NCKAP5: variants seen among roughly 807,000 people sequenced by gnomAD.
NCKAP5 encodes nck-associated protein 5.
A neutral mutation model predicts 167.0 loss-of-function variants in NCKAP5; 92 were observed. That is an observed-to-expected ratio of 0.55 (90% CI 0.47 to 0.66). NCKAP5 has a LOEUF of 0.66. Ranked by LOEUF, NCKAP5 falls within the 30% of genes least tolerant of loss-of-function variation. The pLI is 0.00. For missense variants in NCKAP5, 2,378 were observed against 2,315.0 expected, an observed-to-expected ratio of 1.03 and a Z score of -0.56; for synonymous variants, 891 against 877.4, an observed-to-expected ratio of 1.02 and a Z score of -0.27.
intron 5 of NCKAP5, among the ~76,000 whole-genome samples, chr2:133,176,781 C>T (rs2084479538): frequency 6.6e-6 from 1 of 152,256 alleles, no homozygotes; most frequent in Middle Eastern, 3.4e-3. Flanking sequence ...TTTAAAAAAT[C>T]TATAAACAAT....
chr2:133,099,158 G>A (rs2081428297), intron 6 of NCKAP5, among the ~76,000 whole-genome samples: 1 of 152,078 alleles, frequency 6.6e-6, no homozygotes, highest in South Asian at 2.1e-4. Context: ...AGTCCCAAGA[G>A]TAATTTTGCA....
chr2:133,177,183 T>TACAC (rs1553563642), intron 5 of NCKAP5, among the ~76,000 whole-genome samples: 2 of 142,640 alleles, frequency 1.4e-5, no homozygotes, highest in African/African-American at 5.2e-5. Flanking sequence ...TATATATATA[T>TACAC]ATATACTCAA....
At chr2:133,027,800 G>T (rs2078748233) in intron 6 of NCKAP5, among the ~76,000 whole-genome samples, 1 of 152,014 alleles carries the variant, frequency 6.6e-6, no homozygotes, top group Non-Finnish European at 1.5e-5. Context: ...TGGCTCAATT[G>T]CTCAGGTATT....
At chr2:133,094,319 G>A (rs561339016) in intron 6 of NCKAP5, among the ~76,000 whole-genome samples, 8 of 152,236 alleles carry the variant, frequency 5.3e-5, no homozygotes, top group South Asian at 4.2e-4. Context: ...TCAGGGAGCC[G>A]GAGGGTTTGA....
chr2:132,683,947 T>C (rs963804874), intron 19 of NCKAP5, among the ~76,000 whole-genome samples: 1 of 152,196 alleles, frequency 6.6e-6, no homozygotes, highest in African/African-American at 2.4e-5. Flanking sequence ...GATTAAATTA[T>C]AGCTGTCGTA....
upstream of NCKAP5, chr2:133,568,567 G>A (rs1419161910): frequency 1.3e-5 from 2 of 152,060 alleles, no homozygotes; most frequent in African/African-American, 4.8e-5. Context: ...AAAGGAGGGG[G>A]TGGGGAGGAA....
intron 11 of NCKAP5, among the ~76,000 whole-genome samples, chr2:132,827,245 C>A (rs1687193488): frequency 6.6e-6 from 1 of 151,958 alleles, no homozygotes; most frequent in Admixed American, 6.6e-5. Context: ...TTATTTTTTT[C>A]TTGTGACAAA....
At chr2:132,892,758 A>G (rs1400600953) in intron 8 of NCKAP5, among the ~76,000 whole-genome samples, 2 of 152,222 alleles carry the variant, frequency 1.3e-5, no homozygotes, top group Non-Finnish European at 2.9e-5. Context: ...ATAAGAGACT[A>G]TCAATATAAA....
intron 3 of NCKAP5, among the ~76,000 whole-genome samples, chr2:133,384,497 C>A (rs1444156547): frequency 6.6e-6 from 1 of 152,170 alleles, no homozygotes; most frequent in Admixed American, 6.5e-5. Flanking sequence ...CGTGATGCCT[C>A]CAGCTTTGTT....
intron 5 of NCKAP5, among the ~76,000 whole-genome samples, chr2:133,192,989 A>T (rs535908999): frequency 1.8e-4 from 28 of 152,232 alleles, no homozygotes; most frequent in African/African-American, 6.5e-4. Context: ...CAAACTGAAA[A>T]CAACCCAAAT....
chr2:133,203,635 A>ATC (rs1326636672), intron 5 of NCKAP5, among the ~76,000 whole-genome samples: 1 of 152,194 alleles, frequency 6.6e-6, no homozygotes, highest in Non-Finnish European at 1.5e-5. Flanking sequence ...GAAGAATGCT[A>ATC]TCTCTGCCTC....
At chr2:132,898,864 G>C (rs376304056) in intron 8 of NCKAP5, among the ~76,000 whole-genome samples, 1 of 152,218 alleles carries the variant, frequency 6.6e-6, no homozygotes. Context: ...AGGACAGGCA[G>C]AGTATGTTTA....
At chr2:133,615,761 G>T in the NCKAP5 span, among the ~76,000 whole-genome samples, 10 of 152,086 alleles carry the variant, frequency 6.6e-5, 1 homozygote, top group African/African-American at 2.4e-4. Context: ...AAGTCAACAA[G>T]GATACCCAGG....
intron 11 of NCKAP5, among the ~76,000 whole-genome samples, chr2:132,823,657 A>G (rs1686923143): frequency 6.6e-6 from 1 of 152,190 alleles, no homozygotes; most frequent in South Asian, 2.1e-4. Flanking sequence ...AAAAAACCCA[A>G]GGTATTAAGG....
rs141106557 is a variant in NCKAP5 at position 133,176,754 on chromosome 2, T to A, written c.207+36962A>T. On this transcript the variant is annotated intron_variant, in intron 5 of 19. Transcript: ENST00000409261. ...TCTATATGACAGTCATGAGTGTATG[T>A]GAATGAAACAAAACTTTTTAAAAAA... Among the ~76,000 whole-genome samples the A allele has an allele frequency of 1.2e-4, 18 of 152,302 alleles. No individual in the cohort carries two copies. In the East Asian group the frequency reaches 3.1e-3, roughly 26 times the overall value.
chr2:133,116,833 T>A (rs1240590543), intron 6 of NCKAP5, among the ~76,000 whole-genome samples: 2 of 152,200 alleles, frequency 1.3e-5, no homozygotes, highest in African/African-American at 4.8e-5. Flanking sequence ...TCTTTATTTA[T>A]CAAATATGGA....
At chr2:133,029,544 T>G (rs1021728383) in intron 6 of NCKAP5, among the ~76,000 whole-genome samples, 1 of 152,296 alleles carries the variant, frequency 6.6e-6, no homozygotes, top group South Asian at 2.1e-4. Context: ...GTATAAGTCT[T>G]TCAAAAATGG....
chr2:133,115,805 A>ATG, intron 6 of NCKAP5, among the ~76,000 whole-genome samples: 1 of 99,838 alleles, frequency 1.0e-5, no homozygotes, highest in East Asian at 5.1e-4. Context: ...ATATATATAT[A>ATG]TATATATATA....
At chr2:133,514,761 T>A (rs1336037970) in intron 3 of NCKAP5, among the ~76,000 whole-genome samples, 3 of 152,170 alleles carry the variant, frequency 2.0e-5, no homozygotes, top group Non-Finnish European at 4.4e-5. Context: ...CTTCTGTTCC[T>A]GGGATAGTAT....
Sources: gnomAD v4.1 joint callset for allele counts (sites outside exome capture counted in the v4.1 genomes callset) on GRCh38, gnomAD v4.1.1 for gene constraint, MANE v1.5 for transcripts, NCBI Gene and HGNC (gene_info 2026-07-23, HGNC 2026-07-21) for gene names.